The following CACNA1C variants were observed in gnomAD, a reference collection of about 807,000 sequenced individuals.
The protein encoded by CACNA1C is calcium voltage-gated channel subunit alpha1 C, also known as voltage-dependent L-type calcium channel subunit alpha-1C.
In CACNA1C, 30 loss-of-function variants were observed where a neutral mutation model predicts 229.0. The ratio of observed to expected loss-of-function variants is 0.13; its 90% CI spans 0.10 to 0.18. CACNA1C has a LOEUF of 0.18. Among genes scored for constraint, CACNA1C ranks in the 10% least tolerant of loss-of-function variants. The pLI is 1.00. For missense variants in CACNA1C, 1,658 were observed against 2,845.0 expected (o/e 0.58, Z 9.49); for synonymous variants, 1,114 against 1,132.5 (o/e 0.98, Z 0.33).
At chr12:2,525,521 C>T (rs997810625) in intron 9 of CACNA1C, among the ~76,000 whole-genome samples, 1 of 152,172 alleles carries the variant, frequency 6.6e-6, no homozygotes, top group African/African-American at 2.4e-5. Context: ...TGGTGGGATC[C>T]CTGCCATGAC....
chr12:2,481,605 C>T (rs770319886), intron 5 of CACNA1C, among the ~76,000 whole-genome samples: 4 of 152,214 alleles, frequency 2.6e-5, no homozygotes, highest in African/African-American at 4.8e-5. Flanking sequence ...TCTTTCCACC[C>T]GCCAAGAGGC....
chr12:2,236,083 A>C (rs909382491), intron 3 of CACNA1C, among the ~76,000 whole-genome samples: 4 of 152,166 alleles, frequency 2.6e-5, no homozygotes, highest in Non-Finnish European at 4.4e-5. Flanking sequence ...GGCTCTATCA[A>C]AGTCTTGCTA....
In CACNA1C at chr12:2,197,232, C is replaced by G. The variant is rs143765034; in HGVS notation, c.477+76802C>G. 1.5e-3 allele frequency among the ~76,000 whole-genome samples: 225 copies of G among 152,316 alleles called. 7 individuals carry two copies. The East Asian group carries it at 0.035, about 24-fold the overall frequency. ...CGCCCTCGGGAAGTTTAAATCCCAT[C>G]ACTCTCTCTGCTGCTTTTCCCTGTT... On this transcript the variant is annotated intron_variant, in intron 3 of 46. Coordinates refer to ENST00000399655, the MANE Select transcript of CACNA1C (RefSeq NM_000719.7).
intron 3 of CACNA1C, among the ~76,000 whole-genome samples, chr12:2,331,023 A>G (rs373959354): frequency 6.6e-6 from 1 of 152,216 alleles, no homozygotes. Context: ...TAAATTTGGG[A>G]AAGTACTTAC....
chr12:2,355,083 C>T (rs1410060810), intron 3 of CACNA1C, among the ~76,000 whole-genome samples: 1 of 152,166 alleles, frequency 6.6e-6, no homozygotes, highest in Non-Finnish European at 1.5e-5. Context: ...ACTCTGCCCG[C>T]TTCCCCGGGT....
chr12:2,197,188 GC>G (rs1212699481), intron 3 of CACNA1C, among the ~76,000 whole-genome samples: 4 of 152,120 alleles, frequency 2.6e-5, no homozygotes, highest in Non-Finnish European at 5.9e-5. Flanking sequence ...CTCCACCTTG[GC>G]CCAGAACATA....
At chr12:2,563,408 G>A (rs531132399) in intron 11 of CACNA1C, among the ~76,000 whole-genome samples, 1 of 152,300 alleles carries the variant, frequency 6.6e-6, no homozygotes, top group South Asian at 2.1e-4. Context: ...CTGGTGGCCT[G>A]CTTCCCTGTG....
chr12:2,248,510 A>G (rs1342749026), intron 3 of CACNA1C, among the ~76,000 whole-genome samples: 2 of 152,194 alleles, frequency 1.3e-5, no homozygotes, highest in African/African-American at 4.8e-5. Flanking sequence ...AAACTGGCAG[A>G]TGCTCTGTGT....
intron 3 of CACNA1C, among the ~76,000 whole-genome samples, chr12:2,442,373 A>G (rs748419672): frequency 2.0e-5 from 3 of 152,132 alleles, no homozygotes; most frequent in Non-Finnish European, 2.9e-5. Flanking sequence ...TGCCAGTAGG[A>G]GATCTAAGAA....
intron 3 of CACNA1C, among the ~76,000 whole-genome samples, chr12:2,157,632 G>A (rs1359363317): frequency 6.6e-6 from 1 of 152,210 alleles, no homozygotes; most frequent in East Asian, 1.9e-4. Flanking sequence ...CAGCTGTGGG[G>A]CCTTAGAGCA....
In CACNA1C at chr12:2,053,551, C is replaced by T. The variant is rs1481964094; in HGVS notation, c.-12C>T. On this transcript the variant is annotated 5_prime_UTR_variant, in exon 1 of 47. Coordinates refer to ENST00000399655, the MANE Select transcript of CACNA1C (RefSeq NM_000719.7). The surrounding 1 kb of genome is among the most constrained non-coding windows in gnomAD (Gnocchi z 5.8). Reference sequence around the variant, plus strand: ...TCGTGGCTGCTCCTCCTATTAAAACCATTTTTGGTCCATGGTCAATGAGAA... The same window carrying T: ...TCGTGGCTGCTCCTCCTATTAAAACTATTTTTGGTCCATGGTCAATGAGAA... 1.3e-6 allele frequency: 2 copies of T among 1,588,128 alleles called. No homozygotes were observed. Among genetic ancestry groups the T allele is most frequent in the South Asian group, 2.3e-5 (2 of 86,454 alleles).
intron 3 of CACNA1C, among the ~76,000 whole-genome samples, chr12:2,318,179 G>A (rs543311574): frequency 1.3e-5 from 2 of 152,306 alleles, no homozygotes; most frequent in African/African-American, 2.4e-5. Flanking sequence ...AGAAAAATTC[G>A]TGAGGCATTT....
intron 5 of CACNA1C, among the ~76,000 whole-genome samples, chr12:2,485,266 T>C (rs2099693375): frequency 6.6e-6 from 1 of 151,968 alleles, no homozygotes. Context: ...CTCACTGCAC[T>C]CACCTGGGCA....
At position 2,403,641 on chromosome 12, in the gene CACNA1C, T is replaced by C. The variant is rs1288144693; in HGVS notation, c.478-45335T>C. Among the ~76,000 whole-genome samples, 1 of 144,668 alleles carries C rather than the reference T, an allele frequency of 6.9e-6. No individual in the cohort carries two copies. The highest frequency in any genetic ancestry group is 6.7e-5 in the Admixed American group (1 of 14,880). 94.9% of individuals were successfully genotyped at this position (144,668 alleles called of 152,430 possible). On this transcript the variant is annotated intron_variant, in intron 3 of 46. Transcript: ENST00000399655. The surrounding 1 kb of genome is among the most constrained non-coding windows in gnomAD (Gnocchi z 4.1). Reference sequence around the variant, plus strand: ...TATAGATGCATTGACACTATATGATTAGGAAAGTACAGTAAATAACAGATG... The same window carrying C: ...TATAGATGCATTGACACTATATGATCAGGAAAGTACAGTAAATAACAGATG...
chr12:2,042,308 ATTAAAAT>A (rs1184932364), intron 1 of CACNA1C, among the ~76,000 whole-genome samples: 2 of 152,164 alleles, frequency 1.3e-5, no homozygotes, highest in East Asian at 3.8e-4. Context: ...AGGCTTATAA[ATTAAAAT>A]TTAAAATTTA....
chr12:2,391,477 G>A (rs959429584), intron 3 of CACNA1C, among the ~76,000 whole-genome samples: 4 of 152,236 alleles, frequency 2.6e-5, no homozygotes, highest in Non-Finnish European at 5.9e-5. Flanking sequence ...GCAGTCAGCA[G>A]GGTGGGAGGG....
At chr12:2,232,231 T>G (rs866385668) in intron 3 of CACNA1C, among the ~76,000 whole-genome samples, 2,688 of 120,984 alleles carry the variant, frequency 0.022, 11 homozygotes, top group Non-Finnish European at 0.03. Context: ...TTCCTTGTTT[T>G]TTTTTTTTTT....
At position 2,097,176 on chromosome 12, in the gene CACNA1C, T is replaced by G. The variant is rs542666205; in HGVS notation, c.50-18048T>G. ...TATTTATTTTTTTGAGATGGAGTCT[T>G]GCTCTGTCACCCAGGCTGGAGTGCA... On this transcript the variant is annotated intron_variant, in intron 1 of 46. Coordinates refer to ENST00000399655, the MANE Select transcript of CACNA1C (RefSeq NM_000719.7). Among the ~76,000 whole-genome samples, 26 of 152,240 alleles carry G rather than the reference T, an allele frequency of 1.7e-4. 1 individual carries two copies. Among genetic ancestry groups the G allele is most frequent in the East Asian group, 1.2e-3 (6 of 5,176 alleles).
At chr12:2,648,869 G>A (rs1364046609) in intron 31 of CACNA1C, among the ~76,000 whole-genome samples, 2 of 152,144 alleles carry the variant, frequency 1.3e-5, no homozygotes, top group South Asian at 2.1e-4. Context: ...ATTTGCAGAG[G>A]GTACCTATGA....
Sources: allele counts gnomAD v4.1 joint callset (sites outside exome capture counted in the v4.1 genomes callset), GRCh38; gene constraint gnomAD v4.1.1; non-coding constraint Gnocchi (gnomAD v3.1); transcripts MANE v1.5; gene names NCBI Gene and HGNC (gene_info 2026-07-23, HGNC 2026-07-21).